Variants in SPA17 observed in about 807,000 individuals in gnomAD.
SPA17 encodes sperm autoantigenic protein 17.
SPA17 carries 7 observed loss-of-function variants against 13.8 expected under a neutral mutation model. The ratio of observed to expected loss-of-function variants is 0.51; its 90% CI spans 0.29 to 0.95. SPA17 has a LOEUF of 0.95. SPA17 is among the 40% of genes least tolerant of loss of function. The probability of loss-of-function intolerance (pLI) is 0.08; values close to 1 mark genes in which losing one functional copy is unlikely to be tolerated. For synonymous variants in SPA17, 61 were observed against 59.0 expected, an observed-to-expected ratio of 1.03 and a Z score of -0.16; for missense variants, 170 against 179.3, an observed-to-expected ratio of 0.95 and a Z score of 0.30.
chr11:124,690,485 G>C (rs1943614740), intron 3 of SPA17, among the ~76,000 whole-genome samples: 1 of 152,204 alleles, frequency 6.6e-6, no homozygotes, highest in African/African-American at 2.4e-5. Context: ...GTGGGAGAAA[G>C]GAGAATAATG....
intron 4 of SPA17, 90 bp from the exon 5 acceptor site, chr11:124,694,213 T>C: frequency 6.6e-7 from 1 of 1,510,204 alleles, no homozygotes; most frequent in Non-Finnish European, 9.0e-7. Context: ...GTTGCATCCC[T>C]AAAATGATTA....
intron 2 of SPA17, among the ~76,000 whole-genome samples, chr11:124,679,321 A>C (rs1943503646): frequency 6.6e-6 from 1 of 151,980 alleles, no homozygotes. Flanking sequence ...AAAAAAAAAA[A>C]CCCTTAAGCT....
At chr11:124,693,543 A>G (rs1345790161) in intron 4 of SPA17, among the ~76,000 whole-genome samples, 2 of 152,114 alleles carry the variant, frequency 1.3e-5, no homozygotes, top group African/African-American at 4.8e-5. Context: ...TTTTGGAAGG[A>G]TGTAGATACT....
At chr11:124,679,407 ACAAAG>A (rs1300212907) in intron 2 of SPA17, among the ~76,000 whole-genome samples, 4 of 152,162 alleles carry the variant, frequency 2.6e-5, no homozygotes, top group Non-Finnish European at 4.4e-5. Flanking sequence ...ATATTGTAGA[ACAAAG>A]CAAGTAAGCA....
chr11:124,676,679 A>T (rs1342908749), intron 2 of SPA17, among the ~76,000 whole-genome samples: 1 of 152,220 alleles, frequency 6.6e-6, no homozygotes, highest in South Asian at 2.1e-4. Context: ...TTGATAAACT[A>T]TATTTAGAAG....
chr11:124,684,004 A>G (rs1943552818), intron 3 of SPA17, among the ~76,000 whole-genome samples: 1 of 152,124 alleles, frequency 6.6e-6, no homozygotes, highest in African/African-American at 2.4e-5. Context: ...AGTTCCCATA[A>G]TCCCCACATG....
chr11:124,674,445 C>T (rs2134402173), intron 1 of SPA17: 1 of 152,446 alleles, frequency 6.6e-6, no homozygotes, highest in South Asian at 2.1e-4. Flanking sequence ...CCTACCACGG[C>T]CTCCGCCTCT....
intron 3 of SPA17, among the ~76,000 whole-genome samples, chr11:124,684,855 C>T (rs1206761952): frequency 1.3e-5 from 2 of 152,170 alleles, no homozygotes; most frequent in Non-Finnish European, 2.9e-5. Context: ...CAGCATTTTG[C>T]CCCTTCCCTA....
At chr11:124,689,660 C>T (rs1486410764) in intron 3 of SPA17, among the ~76,000 whole-genome samples, 1 of 151,808 alleles carries the variant, frequency 6.6e-6, no homozygotes, top group African/African-American at 2.4e-5. Context: ...ACCTGTAGTC[C>T]CCAGCTACTT....
chr11:124,677,039 T>C (rs546294883), intron 2 of SPA17, among the ~76,000 whole-genome samples: 1 of 152,308 alleles, frequency 6.6e-6, no homozygotes, highest in Admixed American at 6.5e-5. Flanking sequence ...AAATATTCCA[T>C]TATAAAAACA....
At chr11:124,694,221 T>C in intron 4 of SPA17, 82 bp from the exon 5 acceptor site, 1 of 1,527,304 alleles carries the variant, frequency 6.5e-7, no homozygotes, top group Non-Finnish European at 8.9e-7. Flanking sequence ...CCTAAAATGA[T>C]TAAATTTCAT....
At chr11:124,675,720 A>G (rs1167568762) in intron 2 of SPA17, 2 of 243,746 alleles carry the variant, frequency 8.2e-6, no homozygotes, top group African/African-American at 4.6e-5. Context: ...CAGTGGGGGA[A>G]AAAAAGATCA....
chr11:124,696,907 C>T lies in SPA17; in HGVS notation c.*2461C>T, dbSNP rs1943678748. 1 of 152,038 alleles carries T rather than the reference C, an allele frequency of 6.6e-6. No homozygotes were observed. Among genetic ancestry groups the T allele is most frequent in the Non-Finnish European group, 1.5e-5 (1 of 68,008 alleles). The allele number at this position is 152,038 out of a possible 1,614,324, so 9.4% of individuals were successfully genotyped here. ...ATAAAAAATGAATCCTGATATTGCCCCCAAATCTGAAACTTCCCCCACACC... is the reference window on the plus strand; with the variant it reads ...ATAAAAAATGAATCCTGATATTGCCTCCAAATCTGAAACTTCCCCCACACC... On this transcript the variant is annotated 3_prime_UTR_variant, in exon 5 of 5. Coordinates refer to ENST00000227135, the MANE Select transcript of SPA17 (RefSeq NM_017425.4).
intron 3 of SPA17, among the ~76,000 whole-genome samples, chr11:124,691,058 T>C (rs1003866974): frequency 5.9e-5 from 9 of 152,350 alleles, no homozygotes; most frequent in Non-Finnish European, 8.8e-5. Flanking sequence ...TTTTTAATTC[T>C]AAAGGCTTTA....
At chr11:124,677,417 CT>C (rs1157207005) in intron 2 of SPA17, among the ~76,000 whole-genome samples, 2 of 152,032 alleles carry the variant, frequency 1.3e-5, no homozygotes, top group African/African-American at 2.4e-5. Flanking sequence ...AAAAGGTGGA[CT>C]TTTTGTTATT....
chr11:124,673,981 A>T (rs1943420376), intron 1 of SPA17, 29 bp downstream of exon 1: 1 of 532,092 alleles, frequency 1.9e-6, no homozygotes, highest in Non-Finnish European at 3.4e-6. Context: ...TTCCTCTCCG[A>T]TACCAAGACC....
chr11:124,684,938 G>A (rs183553370), intron 3 of SPA17, among the ~76,000 whole-genome samples: 176 of 152,328 alleles, frequency 1.2e-3, no homozygotes, highest in African/African-American at 4.0e-3. Flanking sequence ...AAGCAGCAAA[G>A]CATTCAAGAG....
chr11:124,678,688 C>T (rs1242179753), intron 2 of SPA17, among the ~76,000 whole-genome samples: 1 of 152,062 alleles, frequency 6.6e-6, no homozygotes. Context: ...TTGGGAACTA[C>T]AGGCATGCAC....
rs1372449616 is a variant in SPA17 at position 124,691,698 on chromosome 11, G to A, written c.228G>A (p.Glu76=). The A allele has an allele frequency of 1.9e-6, 3 of 1,611,000 alleles. No individual in the cohort carries two copies. The highest frequency in any genetic ancestry group is 1.7e-6 in the Non-Finnish European group (2 of 1,178,704). ...GTGGCTCTCTCCTATCTGTCCAGGA[G>A]CAAGAACCACCTGAGAAAAGTGATC... ...DRFYNNHAFE[E]QEPPEKSDPK... The change falls in exon 4 of 5, where the codon GAG becomes GAA. Residue 76 remains glutamate, a splice_region_variant and synonymous_variant. Coordinates refer to ENST00000227135, the MANE Select transcript of SPA17 (RefSeq NM_017425.4).
Sources: gnomAD v4.1 joint callset for allele counts (sites outside exome capture counted in the v4.1 genomes callset) on GRCh38, gnomAD v4.1.1 for gene constraint, MANE v1.5 for transcripts, NCBI Gene and HGNC (gene_info 2026-07-23, HGNC 2026-07-21) for gene names.